Variants in AOPEP observed in about 807,000 individuals in gnomAD.
The protein encoded by AOPEP is aminopeptidase O.
AOPEP carries 77 observed loss-of-function variants against 98.1 expected under a neutral mutation model. The observed-to-expected ratio is 0.78, with a 90% confidence interval of 0.65 to 0.95. The LOEUF is 0.95. Ranked by LOEUF, AOPEP falls within the 40% of genes least tolerant of loss-of-function variation. The pLI is 0.00. For synonymous variants in AOPEP, 346 were observed against 365.3 expected (o/e 0.95, Z 0.60); for missense variants, 1,024 against 1,024.7 (o/e 1.00, Z 0.01).
the AOPEP span, chr9:95,100,493 T>C: frequency 2.6e-5 from 6 of 231,852 alleles, no homozygotes; most frequent in East Asian, 3.7e-4. Context: ...CAAATCAAAA[T>C]GGACAAAAGC....
At chr9:95,136,163 G>A in the AOPEP span, among the ~76,000 whole-genome samples, 1 of 152,202 alleles carries the variant, frequency 6.6e-6, no homozygotes, top group Non-Finnish European at 1.5e-5. Flanking sequence ...GACTGAGGTA[G>A]AAGGATCACT....
chr9:94,786,169 T>C (rs1269985327), intron 3 of AOPEP, among the ~76,000 whole-genome samples: 1 of 152,218 alleles, frequency 6.6e-6, no homozygotes, highest in Non-Finnish European at 1.5e-5. Flanking sequence ...CTAATGTTTC[T>C]TGAACACTTA....
intron 13 of AOPEP, among the ~76,000 whole-genome samples, chr9:95,044,438 T>C (rs927778651): frequency 6.6e-6 from 1 of 152,016 alleles, no homozygotes; most frequent in Non-Finnish European, 1.5e-5. Context: ...TGCAAGGAGC[T>C]CAGAAATGGG....
At chr9:94,752,695 A>G (rs1347787974) in intron 1 of AOPEP, among the ~76,000 whole-genome samples, 4 of 152,236 alleles carry the variant, frequency 2.6e-5, no homozygotes, top group Non-Finnish European at 4.4e-5. Flanking sequence ...TGTATTTTCC[A>G]AAAATGGCCA....
chr9:94,821,041 C>T (rs1323995011), intron 5 of AOPEP, among the ~76,000 whole-genome samples: 2 of 152,186 alleles, frequency 1.3e-5, no homozygotes, highest in Non-Finnish European at 2.9e-5. Flanking sequence ...ATCCTATTTT[C>T]ACTAACTTTG....
chr9:94,826,457 TG>T (rs1279814930), intron 5 of AOPEP, among the ~76,000 whole-genome samples: 2 of 151,986 alleles, frequency 1.3e-5, no homozygotes, highest in Admixed American at 1.3e-4. Context: ...ATCCACATGG[TG>T]GGGAAGGGGA....
rs950533223 is a variant in AOPEP at position 94,788,095 on chromosome 9, G to A, written c.965-4670G>A. On this transcript the variant is annotated intron_variant, in intron 3 of 16. Coordinates refer to ENST00000375315, the MANE Select transcript of AOPEP (RefSeq NM_001193329.3). ...TTATATTATTATTATTTTTGACATA[G>A]GGTCTTCCTCTGTCGCCCAGGCTGG... Among the ~76,000 whole-genome samples the A allele has an allele frequency of 9.9e-5, 15 of 151,924 alleles. 1 individual carries two copies. The highest frequency in any genetic ancestry group is 3.1e-4 in the African/African-American group (13 of 41,318).
intron 3 of AOPEP, among the ~76,000 whole-genome samples, chr9:94,780,840 A>G (rs140525528): frequency 6.6e-6 from 1 of 152,342 alleles, no homozygotes; most frequent in East Asian, 1.9e-4. Flanking sequence ...TCACAGTGAC[A>G]CATAGGCCTG....
chr9:94,932,354 A>G, intron 7 of AOPEP: 1 of 931,562 alleles, frequency 1.1e-6, no homozygotes, highest in African/African-American at 1.8e-5. Flanking sequence ...GAGAAAAACT[A>G]AAATTTTGTT....
chr9:94,819,364 A>G, intron 5 of AOPEP, among the ~76,000 whole-genome samples: 1 of 152,182 alleles, frequency 6.6e-6, no homozygotes, highest in Non-Finnish European at 1.5e-5. Context: ...TCAGAAGGCT[A>G]AGAAGACCAA....
At chr9:95,080,890 C>A in intron 15 of AOPEP, 110 bp downstream of exon 15, 1 of 812,186 alleles carries the variant, frequency 1.2e-6, no homozygotes, top group South Asian at 1.5e-5. Context: ...AAATCTGTTA[C>A]AGAGATTCTT....
intron 5 of AOPEP, among the ~76,000 whole-genome samples, chr9:94,819,417 C>T (rs1001144061): frequency 6.6e-6 from 1 of 152,164 alleles, no homozygotes; most frequent in African/African-American, 2.4e-5. Flanking sequence ...AACTCCTGCC[C>T]GCCACTCTTC....
chr9:94,928,194 C>T (rs149468826), intron 6 of AOPEP, among the ~76,000 whole-genome samples: 2 of 152,192 alleles, frequency 1.3e-5, no homozygotes, highest in African/African-American at 4.8e-5. Flanking sequence ...AGGCGACCTC[C>T]GCCAAACAGC....
intron 11 of AOPEP, among the ~76,000 whole-genome samples, chr9:94,990,566 A>G (rs1436692855): frequency 6.6e-6 from 1 of 152,140 alleles, no homozygotes; most frequent in Non-Finnish European, 1.5e-5. Flanking sequence ...TTATTAGGCT[A>G]AAGACATACT....
At chr9:95,033,420 T>C (rs1031132723) in intron 13 of AOPEP, among the ~76,000 whole-genome samples, 1 of 152,260 alleles carries the variant, frequency 6.6e-6, no homozygotes, top group African/African-American at 2.4e-5. Context: ...TGTGTTTCTC[T>C]ACCATTCTTT....
At chr9:95,126,478 A>G in the AOPEP span, 2 of 1,547,668 alleles carry the variant, frequency 1.3e-6, no homozygotes, top group Non-Finnish European at 1.8e-6. Context: ...TCATGCTTGG[A>G]AATGGAACCT....
At chr9:95,145,630 T>G in the AOPEP span, 1 of 152,324 alleles carries the variant, frequency 6.6e-6, no homozygotes, top group Admixed American at 6.5e-5. Context: ...GATCCTTATT[T>G]TGTATTGAAC....
chr9:94,765,800 C>T (rs1005532196), intron 2 of AOPEP, among the ~76,000 whole-genome samples: 9 of 152,080 alleles, frequency 5.9e-5, no homozygotes, highest in African/African-American at 2.2e-4. Context: ...TATGAAATAT[C>T]TGGAAATAGA....
At chr9:95,101,916 G>A in the AOPEP span, 1 of 1,594,862 alleles carries the variant, frequency 6.3e-7, no homozygotes, top group African/African-American at 1.3e-5. Flanking sequence ...CTTTGTCCAG[G>A]GACGGACCAT....
Sources: gnomAD v4.1 joint callset for allele counts (sites outside exome capture counted in the v4.1 genomes callset) on GRCh38, gnomAD v4.1.1 for gene constraint, MANE v1.5 for transcripts, NCBI Gene and HGNC (gene_info 2026-07-23, HGNC 2026-07-21) for gene names.